The following IFT57 variants were observed in gnomAD, a reference collection of about 807,000 sequenced individuals.
The protein encoded by IFT57 is intraflagellar transport protein 57 homolog.
In IFT57, 59 loss-of-function variants were observed where a neutral mutation model predicts 56.8. The observed-to-expected ratio is 1.04, with a 90% CI of 0.84 to 1.29. The LOEUF is 1.29. Among genes scored for constraint, IFT57 ranks in the 50% most tolerant of loss-of-function variants. The pLI is 0.00. For synonymous variants in IFT57, 209 were observed against 186.1 expected, an observed-to-expected ratio of 1.12 and a Z score of -1.00; for missense variants, 470 against 522.1, an observed-to-expected ratio of 0.90 and a Z score of 0.97.
At chr3:108,194,674 G>C (rs924004244) in intron 5 of IFT57, among the ~76,000 whole-genome samples, 20 of 151,998 alleles carry the variant, frequency 1.3e-4, no homozygotes, top group African/African-American at 4.8e-4. Context: ...ACAGAATCCA[G>C]ATTTAAATCC....
intron 5 of IFT57, among the ~76,000 whole-genome samples, chr3:108,199,792 T>C (rs1246395639): frequency 6.7e-6 from 1 of 150,166 alleles, no homozygotes; most frequent in African/African-American, 2.4e-5. Flanking sequence ...GATTTTTGGG[T>C]TTGCTGTGGG....
In IFT57 at chr3:108,219,446, TG is replaced by T; in HGVS notation, c.338del (p.Ala113GlufsTer24). Reference sequence around the variant, plus strand: ...GCTCGGATAGTATGTTAGATATTGTTGCATTAGGGTCATCATATTCTTGAGG... The same window carrying T: ...GCTCGGATAGTATGTTAGATATTGTTCATTAGGGTCATCATATTCTTGAGG... ...EQPQEYDDPN[A>X]TISNILSELR... On this transcript the variant is annotated frameshift_variant, in exon 2 of 11. Coordinates refer to ENST00000264538, the MANE Select transcript of IFT57 (RefSeq NM_018010.4). LOFTEE classifies it high-confidence loss of function. 6.2e-7 allele frequency: 1 copy of T among 1,614,004 alleles called. No individual in the cohort carries two copies. The highest frequency in any genetic ancestry group is 8.5e-7 in the Non-Finnish European group (1 of 1,179,860).
chr3:108,215,742 T>C (rs1030644226), intron 3 of IFT57, among the ~76,000 whole-genome samples: 1 of 152,222 alleles, frequency 6.6e-6, no homozygotes, highest in African/African-American at 2.4e-5. Flanking sequence ...CATCTATATG[T>C]AACGTCTATC....
intron 1 of IFT57, 43 bp downstream of exon 1, chr3:108,222,068 G>A: frequency 6.4e-7 from 1 of 1,557,270 alleles, no homozygotes; most frequent in Non-Finnish European, 8.7e-7. Context: ...CATCTCCCTG[G>A]GGGCTAGCAG....
Position 108,222,422 on chromosome 3 carries a change from G to C in IFT57, c.-100C>G. On this transcript the variant is annotated 5_prime_UTR_variant, in exon 1 of 11. Coordinates refer to ENST00000264538, the MANE Select transcript of IFT57 (RefSeq NM_018010.4). ...CCAGTACAGCCACGACCGGTTACCA[G>C]GCGACCACCGGACAATCCGTCACCA... The C allele has an allele frequency of 1.3e-6, 1 of 745,842 alleles. No homozygotes were observed. Among genetic ancestry groups the C allele is most frequent in the Non-Finnish European group, 2.0e-6 (1 of 491,892 alleles). The allele number at this position is 745,842 out of a possible 1,614,324, so 46.2% of individuals were successfully genotyped here. A position where few individuals can be genotyped will look rare whatever the true frequency, so the allele number is the denominator to read the frequency against.
rs114868182 is a variant in IFT57 at position 108,210,029 on chromosome 3, A to G, written c.586-3333T>C. Among the ~76,000 whole-genome samples the G allele has an allele frequency of 5.2e-3, 794 of 152,324 alleles. 7 individuals carry two copies. The highest frequency in any genetic ancestry group is 0.014 in the Middle Eastern group (4 of 294). On this transcript the variant is annotated intron_variant, in intron 4 of 10. Coordinates refer to ENST00000264538, the MANE Select transcript of IFT57 (RefSeq NM_018010.4). Reference sequence around the variant, plus strand: ...AGTATTAAGAGAGCATTCAAGAGGAATTCAAATGTAAACAGGCTTAGAAAA... The same window carrying G: ...AGTATTAAGAGAGCATTCAAGAGGAGTTCAAATGTAAACAGGCTTAGAAAA...
At chr3:108,219,382 A>T in intron 2 of IFT57, 28 bp downstream of exon 2, 1 of 1,585,568 alleles carries the variant, frequency 6.3e-7, no homozygotes, top group Non-Finnish European at 8.7e-7. Flanking sequence ...CTTGAGAACA[A>T]GGAAAAAGAA....
intron 6 of IFT57, among the ~76,000 whole-genome samples, chr3:108,169,708 A>T (rs993317011): frequency 4.0e-5 from 6 of 151,718 alleles, no homozygotes; most frequent in African/African-American, 1.4e-4. Context: ...GTATATGGCT[A>T]GCCAGTTTTA....
chr3:108,215,556 C>T (rs975442733), intron 3 of IFT57, among the ~76,000 whole-genome samples: 1 of 151,824 alleles, frequency 6.6e-6, no homozygotes, highest in African/African-American at 2.4e-5. Context: ...AAACCCATGC[C>T]TCAATCATGT....
intron 3 of IFT57, among the ~76,000 whole-genome samples, chr3:108,214,380 A>T (rs1423203254): frequency 6.6e-6 from 1 of 152,152 alleles, no homozygotes; most frequent in Non-Finnish European, 1.5e-5. Flanking sequence ...CTATGACTGA[A>T]CATAGAGGTT....
In IFT57 at chr3:108,219,364, A is replaced by C. The variant is rs73850835; in HGVS notation, c.375+46T>G. The C allele has an allele frequency of 2.6e-3, 3,944 of 1,510,792 alleles. 79 individuals carry two copies. The African/African-American group carries it at 0.048, about 18-fold the overall frequency. The allele number at this position is 1,510,792 out of a possible 1,614,324, so 93.6% of individuals were successfully genotyped here. On this transcript the variant is annotated intron_variant, in intron 2 of 10. Transcript: ENST00000264538. ...TTGTTATTAAATTACCAGTATTAAA[A>C]TTCATAACTTGAGAACAAGGAAAAA...
At position 108,221,910 on chromosome 3, in the gene IFT57, C is replaced by G. The variant is rs548281817; in HGVS notation, c.212+201G>C. The stretch of plus-strand genomic sequence containing the variant: ...TGCCGTTCCAAAACTTATTTATTCT[C>G]TCTACAAAAATACCAAGTCAGGGCT... On this transcript the variant is annotated intron_variant, in intron 1 of 10. Transcript: ENST00000264538. The G allele has an allele frequency of 1.1e-5, 12 of 1,096,780 alleles. No homozygotes were observed. In the African/African-American group the frequency reaches 1.3e-4, roughly 12 times the overall value. 67.9% of individuals were successfully genotyped at this position (1,096,780 alleles called of 1,614,324 possible). A position where few individuals can be genotyped will look rare whatever the true frequency, so the allele number is the denominator to read the frequency against.
At chr3:108,200,043 T>C (rs1287671096) in intron 5 of IFT57, among the ~76,000 whole-genome samples, 1 of 152,224 alleles carries the variant, frequency 6.6e-6, no homozygotes, top group African/African-American at 2.4e-5. Context: ...GTTAGCTGTG[T>C]AGACAACAGT....
chr3:108,169,167 CT>C (rs1293195357), intron 6 of IFT57, among the ~76,000 whole-genome samples: 1 of 151,908 alleles, frequency 6.6e-6, no homozygotes, highest in East Asian at 1.9e-4. Flanking sequence ...TGTTTCCAGA[CT>C]TTTTTGATCA....
intron 5 of IFT57, among the ~76,000 whole-genome samples, chr3:108,195,552 G>A (rs982986932): frequency 3.9e-5 from 6 of 152,142 alleles, no homozygotes; most frequent in Admixed American, 6.6e-5. Flanking sequence ...CACAATAGCC[G>A]AGATAGGGAA....
At chr3:108,217,426 C>T (rs573512950) in intron 3 of IFT57, among the ~76,000 whole-genome samples, 29 of 152,090 alleles carry the variant, frequency 1.9e-4, no homozygotes, top group African/African-American at 6.0e-4. Flanking sequence ...CATAACTTAT[C>T]TTCTCTTGAA....
At chr3:108,218,676 G>T in intron 2 of IFT57, 23 bp from the exon 3 acceptor site, 1 of 1,246,190 alleles carries the variant, frequency 8.0e-7, no homozygotes, top group Non-Finnish European at 1.1e-6. Flanking sequence ...AGAAAAAACA[G>T]GGTATTATTT....
chr3:108,186,517 T>C (rs954287052), intron 6 of IFT57, among the ~76,000 whole-genome samples: 1 of 152,124 alleles, frequency 6.6e-6, no homozygotes, highest in African/African-American at 2.4e-5. Flanking sequence ...TACTGGACAA[T>C]CTGGCAGAAG....
In IFT57 at chr3:108,178,593, AAC is replaced by A. The variant is rs2080136118; in HGVS notation, c.778-10731_778-10730del. Among the ~76,000 whole-genome samples, 4 of 152,092 alleles carry A rather than the reference AAC, an allele frequency of 2.6e-5. No individual in the cohort carries two copies. The South Asian group carries it at 8.3e-4, about 32-fold the overall frequency. On this transcript the variant is annotated intron_variant, in intron 6 of 10. Transcript: ENST00000264538. ...GGAAAAGCAGATGGCCCGATGGCTA[AAC>A]ACAAAAGAAGATATCCAAAAGCTAA...
Sources: allele counts gnomAD v4.1 joint callset (sites outside exome capture counted in the v4.1 genomes callset), GRCh38; gene constraint gnomAD v4.1.1; transcripts MANE v1.5; gene names NCBI Gene and HGNC (gene_info 2026-07-23, HGNC 2026-07-21).